SF3B1: variants seen among roughly 807,000 people sequenced by gnomAD.
SF3B1 encodes the protein pre-mRNA processing 10.
In SF3B1, 12 loss-of-function variants were observed where a neutral mutation model predicts 153.8. The ratio of observed to expected loss-of-function variants is 0.08; its 90% confidence interval spans 0.05 to 0.13. The LOEUF is 0.13. SF3B1 is among the 10% of genes least tolerant of loss of function. The pLI is 1.00. For missense variants in SF3B1, 513 were observed against 1,606.1 expected (o/e 0.32, Z 11.63); for synonymous variants, 498 against 525.2 (o/e 0.95, Z 0.71).
chr2:197,408,634 T>C (rs185670344), intron 7 of SF3B1, 53 bp from the exon 8 acceptor site: 24 of 1,127,746 alleles, frequency 2.1e-5, no homozygotes, highest in African/African-American at 1.8e-4. Flanking sequence ...GTTAAAATAA[T>C]ATTCTTTATT....
chr2:197,408,727 A>T (rs910754226), intron 7 of SF3B1, 146 bp from the exon 8 acceptor site: 6 of 628,894 alleles, frequency 9.5e-6, no homozygotes, highest in Admixed American at 2.8e-5. Context: ...GTTTGAGACC[A>T]GCCTGATCAA....
At chr2:197,411,206 A>G (rs1261906255) in intron 6 of SF3B1, among the ~76,000 whole-genome samples, 1 of 152,194 alleles carries the variant, frequency 6.6e-6, no homozygotes, top group Non-Finnish European at 1.5e-5. Context: ...TCAAACAGAG[A>G]GTAATAGTTG....
In SF3B1 at chr2:197,402,533, G is replaced by C. The variant is rs766637341; in HGVS notation, c.2077+23C>G. ...TGTCTCCTAAAGAAAAAAAAAAAAA[G>C]ACAAAGTTACATTACAACTTACCAT... On this transcript the variant is annotated intron_variant, in intron 14 of 24. Coordinates refer to ENST00000335508, the MANE Select transcript of SF3B1 (RefSeq NM_012433.4). This position sits in a 1 kb window ranked among gnomAD's most constrained non-coding sequence, Gnocchi z 4.6. 1 of 1,534,486 alleles carries C rather than the reference G, an allele frequency of 6.5e-7. No homozygotes were observed. The highest frequency in any genetic ancestry group is 8.8e-7 in the Non-Finnish European group (1 of 1,132,100).
intron 24 of SF3B1, among the ~76,000 whole-genome samples, 161 bp downstream of exon 24, chr2:197,392,811 C>A (rs893465438): frequency 9.2e-5 from 14 of 151,928 alleles, no homozygotes; most frequent in African/African-American, 3.4e-4. Flanking sequence ...CTAATGCATG[C>A]AGGGCTTAAA....
At position 197,402,268 on chromosome 2, in the gene SF3B1, A is replaced by G. The variant is rs1287087827; in HGVS notation, c.2078-138T>C. ...CATTAAACAAAATTAGGTAAAAGCAAAACATGAACCATAGCCTGTCAGCAG... is the reference window on the plus strand; with the variant it reads ...CATTAAACAAAATTAGGTAAAAGCAGAACATGAACCATAGCCTGTCAGCAG... On this transcript the variant is annotated intron_variant, in intron 14 of 24. Coordinates refer to ENST00000335508, the MANE Select transcript of SF3B1 (RefSeq NM_012433.4). The surrounding 1 kb of genome is among the most constrained non-coding windows in gnomAD (Gnocchi z 4.6). 2.1e-6 allele frequency: 2 copies of G among 967,566 alleles called. No homozygotes were observed. Among genetic ancestry groups the G allele is most frequent in the Non-Finnish European group, 3.0e-6 (2 of 663,262 alleles). The allele number at this position is 967,566 out of a possible 1,614,324, so 59.9% of individuals were successfully genotyped here. A position where few individuals can be genotyped will look rare whatever the true frequency, so the allele number is the denominator to read the frequency against.
At position 197,390,206 on chromosome 2, in the gene SF3B1, GTTAA is replaced by G. The variant is rs1227769780; in HGVS notation, c.*2093_*2096del. 4 of 152,162 alleles carry G rather than the reference GTTAA, an allele frequency of 2.6e-5. No individual in the cohort carries two copies. Among genetic ancestry groups the G allele is most frequent in the African/African-American group, 7.2e-5 (3 of 41,450 alleles). The allele number at this position is 152,162 out of a possible 1,614,324, so 9.4% of individuals were successfully genotyped here. On this transcript the variant is annotated 3_prime_UTR_variant, in exon 25 of 25. Coordinates refer to ENST00000335508, the MANE Select transcript of SF3B1 (RefSeq NM_012433.4). ...CAAATTATTTGCATCAGTAAAAAAA[GTTAA>G]TTAAGGTGTAACAGTCTCCTTTGCT...
At chr2:197,394,730 C>G (rs928412223) in intron 23 of SF3B1, among the ~76,000 whole-genome samples, 2 of 152,078 alleles carry the variant, frequency 1.3e-5, no homozygotes, top group Non-Finnish European at 1.5e-5. Flanking sequence ...ACGGTGAAAC[C>G]CTATCTTTGC....
chr2:197,405,555 AG>A, intron 9 of SF3B1, 83 bp from the exon 10 acceptor site: 5 of 960,626 alleles, frequency 5.2e-6, no homozygotes, highest in Non-Finnish European at 7.9e-6. Context: ...AAAATATTTT[AG>A]TTTATTAGCT....
rs114629779 is a variant in SF3B1 at position 197,433,326 on chromosome 2, T to C, written c.28+1646A>G. On this transcript the variant is annotated intron_variant, in intron 1 of 24. Coordinates refer to ENST00000335508, the MANE Select transcript of SF3B1 (RefSeq NM_012433.4). ...GCCAATGAATAGCAATAGACCAAAG[T>C]TTTTAGCTGGGTTTCTAAAAAATTC... 6.6e-3 allele frequency among the ~76,000 whole-genome samples: 1,008 copies of C among 152,286 alleles called. 12 individuals carry two copies. The highest frequency in any genetic ancestry group is 0.03 in the South Asian group (145 of 4,822).
chr2:197,393,994 G>A (rs907494054), intron 23 of SF3B1, among the ~76,000 whole-genome samples: 6 of 151,954 alleles, frequency 3.9e-5, no homozygotes, highest in Non-Finnish European at 8.8e-5. Flanking sequence ...GACCAGCCTG[G>A]CCAGCGTGGT....
intron 5 of SF3B1, among the ~76,000 whole-genome samples, chr2:197,417,892 C>G (rs1363128710): frequency 6.6e-6 from 1 of 152,044 alleles, no homozygotes; most frequent in Non-Finnish European, 1.5e-5. Context: ...TGACTTTTCC[C>G]TAACATACTG....
intron 23 of SF3B1, among the ~76,000 whole-genome samples, chr2:197,394,168 G>A (rs750992691): frequency 6.6e-6 from 1 of 151,846 alleles, no homozygotes; most frequent in Non-Finnish European, 1.5e-5. Flanking sequence ...TAGGCAACAA[G>A]AGTGAAACTC....
At chr2:197,431,278 C>T (rs1459349873) in intron 1 of SF3B1, among the ~76,000 whole-genome samples, 1 of 151,902 alleles carries the variant, frequency 6.6e-6, no homozygotes, top group Non-Finnish European at 1.5e-5. Context: ...CCACCATGCC[C>T]GGTTAATTTT....
chr2:197,423,917 T>C lies in SF3B1; in HGVS notation c.86A>G (p.Gln29Arg), dbSNP rs776930930. 12 of 1,611,708 alleles carry C rather than the reference T, an allele frequency of 7.4e-6. No homozygotes were observed. Among genetic ancestry groups the C allele is most frequent in the Non-Finnish European group, 1.7e-6 (2 of 1,179,112 alleles). Residue 29 changes from glutamine (Q) to arginine (R), a missense_variant, in exon 2 of 25, where the codon CAA becomes CGA. Gln to Arg is a conservative substitution (Grantham distance 43). Around this residue, in one of 21 missense-constraint regions of SF3B1, gnomAD observed 14 missense variants for 54.8 expected, o/e 0.26. Transcript: ENST00000335508. ...ACCTGTAGAATCGAGGCCCACTCCT[T>C]GAGCTTCATCAAGAGCTGCCTTCTT... ...QGKKAALDEA[Q>R]GVGLDSTGYY...
In SF3B1 at chr2:197,400,669, A is replaced by G; in HGVS notation, c.2718+46T>C. 1 of 1,395,260 alleles carries G rather than the reference A, an allele frequency of 7.2e-7. No homozygotes were observed. The highest frequency in any genetic ancestry group is 9.9e-7 in the Non-Finnish European group (1 of 1,005,924). 86.4% of individuals were successfully genotyped at this position (1,395,260 alleles called of 1,614,324 possible). On this transcript the variant is annotated intron_variant, in intron 18 of 24. Coordinates refer to ENST00000335508, the MANE Select transcript of SF3B1 (RefSeq NM_012433.4). The surrounding 1 kb of genome is among the most constrained non-coding windows in gnomAD (Gnocchi z 5.0). ...TGCTTGACAACTAATATGCTTTTCTACAAATATTAAAGTTAGTAGCAATGT... is the reference window on the plus strand; with the variant it reads ...TGCTTGACAACTAATATGCTTTTCTGCAAATATTAAAGTTAGTAGCAATGT...
At chr2:197,403,866 G>A in intron 11 of SF3B1, 102 bp from the exon 12 acceptor site, 2 of 860,200 alleles carry the variant, frequency 2.3e-6, no homozygotes, top group East Asian at 3.0e-5. Context: ...ATATTTTAGT[G>A]TTTACTTTTA....
chr2:197,433,430 T>C (rs910163469), intron 1 of SF3B1, among the ~76,000 whole-genome samples: 2 of 152,220 alleles, frequency 1.3e-5, no homozygotes, highest in Admixed American at 1.3e-4. Flanking sequence ...GTATCAAAGC[T>C]ATACTATCAA....
chr2:197,416,967 ATTAGCGCAATCACTTCCAC>A, intron 5 of SF3B1, 56 bp from the exon 6 acceptor site: 1 of 1,530,034 alleles, frequency 6.5e-7, no homozygotes, highest in East Asian at 2.3e-5. Flanking sequence ...TTTTTCTACC[ATTAGCGCAATCACTTCCAC>A]TTAACATCCT....
chr2:197,422,087 CTTATT>C (rs2085253022), intron 2 of SF3B1, among the ~76,000 whole-genome samples: 1 of 152,084 alleles, frequency 6.6e-6, no homozygotes, highest in Non-Finnish European at 1.5e-5. Context: ...TAACACCTCA[CTTATT>C]TTATTTAAAG....
Sources: allele counts gnomAD v4.1 joint callset (sites outside exome capture counted in the v4.1 genomes callset), GRCh38; gene constraint gnomAD v4.1.1; regional missense constraint gnomAD v4.1.1; non-coding constraint Gnocchi (gnomAD v3.1); transcripts MANE v1.5; gene names NCBI Gene and HGNC (gene_info 2026-07-23, HGNC 2026-07-21).